NRXN1: variants seen among roughly 807,000 people sequenced by gnomAD.
NRXN1 encodes the protein neurexin 1, also known as neurexin-1.
In NRXN1, 39 loss-of-function variants were observed where a neutral mutation model predicts 150.9. The ratio of observed to expected loss-of-function variants is 0.26; its 90% CI spans 0.20 to 0.34. The LOEUF (loss-of-function observed/expected upper bound fraction) is 0.34. Ranked by LOEUF, NRXN1 falls within the 10% of genes least tolerant of loss-of-function variation. The probability of loss-of-function intolerance (pLI) is 1.00; values close to 1 mark genes in which losing one functional copy is unlikely to be tolerated. For missense variants in NRXN1, 1,815 were observed against 1,949.9 expected, an observed-to-expected ratio of 0.93 and a Z score of 1.30; for synonymous variants, 924 against 757.0, an observed-to-expected ratio of 1.22 and a Z score of -3.62.
chr2:50,132,539 T>G (rs865927345), intron 18 of NRXN1, among the ~76,000 whole-genome samples: 9 of 152,058 alleles, frequency 5.9e-5, no homozygotes, highest in Admixed American at 3.3e-4. Context: ...TCTCTTGACT[T>G]TGTGATCTTC....
chr2:50,536,675 A>G (rs1226531710), intron 10 of NRXN1, among the ~76,000 whole-genome samples: 1 of 152,160 alleles, frequency 6.6e-6, no homozygotes, highest in Non-Finnish European at 1.5e-5. Context: ...AAAACCTTAA[A>G]TCGTGCAAGT....
intron 17 of NRXN1, among the ~76,000 whole-genome samples, chr2:50,448,157 G>A (rs1372537722): frequency 1.3e-5 from 2 of 152,018 alleles, no homozygotes; most frequent in African/African-American, 4.8e-5. Context: ...TTATAGATTA[G>A]CAAAGCAGGG....
In NRXN1 at chr2:50,346,921, G is replaced by T; in HGVS notation, c.3365-109951C>A. On this transcript the variant is annotated intron_variant, in intron 17 of 22. Transcript: ENST00000401669. This position sits in a 1 kb window ranked among gnomAD's most constrained non-coding sequence, Gnocchi z 5.0. ...GCCGCCCCCGGGCGAGCCCAGCTCG[G>T]CGCCGCACCGGAGCATCCTCTGGTA... is the stretch of plus-strand genomic sequence containing the variant. 1 of 1,310,594 alleles carries T rather than the reference G, an allele frequency of 7.6e-7. No individual in the cohort carries two copies. The allele number at this position is 1,310,594 out of a possible 1,614,324, so 81.2% of individuals were successfully genotyped here.
intron 5 of NRXN1, among the ~76,000 whole-genome samples, chr2:50,857,522 A>G (rs1675449156): frequency 6.6e-6 from 1 of 152,128 alleles, no homozygotes; most frequent in African/African-American, 2.4e-5. Flanking sequence ...GAGAGCTTAA[A>G]CAGAAAAATG....
intron 9 of NRXN1, among the ~76,000 whole-genome samples, chr2:50,540,015 C>G (rs1366204594): frequency 6.6e-6 from 1 of 152,162 alleles, no homozygotes; most frequent in Non-Finnish European, 1.5e-5. Context: ...CAAATCCCAG[C>G]AGAAGGGCCC....
chr2:50,993,887 C>A (rs1402194044), intron 2 of NRXN1, among the ~76,000 whole-genome samples: 1 of 151,958 alleles, frequency 6.6e-6, no homozygotes, highest in Non-Finnish European at 1.5e-5. Context: ...GAGCACTTTG[C>A]AAATTTATGT....
In NRXN1 at chr2:50,875,079, T is replaced by C. The variant is rs113600552; in HGVS notation, c.832+46790A>G. The stretch of plus-strand genomic sequence containing the variant: ...AGGAGTTGTTTTTGTTGTGTTCTAC[T>C]TTGTTTTAAAGAGAAAATTCTCTAG... On this transcript the variant is annotated intron_variant, in intron 5 of 22. Coordinates refer to ENST00000401669, the MANE Select transcript of NRXN1 (RefSeq NM_001330078.2). Among the ~76,000 whole-genome samples the C allele has an allele frequency of 1.6e-3, 243 of 151,906 alleles. 4 individuals carry two copies. The highest frequency in any genetic ancestry group is 5.7e-3 in the African/African-American group (236 of 41,522).
intron 17 of NRXN1, among the ~76,000 whole-genome samples, chr2:50,272,665 A>G (rs1247073256): frequency 4.6e-5 from 7 of 152,154 alleles, no homozygotes; most frequent in Non-Finnish European, 2.9e-5. Context: ...ATCCACTCCA[A>G]CAGTTAATTC....
At chr2:50,806,768 A>G (rs1667569199) in intron 5 of NRXN1, among the ~76,000 whole-genome samples, 1 of 152,086 alleles carries the variant, frequency 6.6e-6, no homozygotes, top group Non-Finnish European at 1.5e-5. Context: ...ACCTCGTACT[A>G]GTCCTGCCTA....
chr2:50,592,589 T>A (rs11901703), intron 8 of NRXN1, among the ~76,000 whole-genome samples: 2,421 of 152,116 alleles, frequency 0.016, 78 homozygotes, highest in African/African-American at 0.055. Context: ...GCTTAGGGAG[T>A]AAAAAGTGAA....
chr2:50,261,702 G>C (rs1221583437), intron 17 of NRXN1, among the ~76,000 whole-genome samples: 1 of 151,878 alleles, frequency 6.6e-6, no homozygotes, highest in Non-Finnish European at 1.5e-5. Flanking sequence ...ATAGAAATAT[G>C]TAAAAATACT....
chr2:50,216,624 T>G (rs1397084328), intron 18 of NRXN1, among the ~76,000 whole-genome samples: 1 of 152,020 alleles, frequency 6.6e-6, no homozygotes, highest in African/African-American at 2.4e-5. Context: ...CTTATTTTTC[T>G]GTTTTCAAGC....
chr2:50,411,805 C>T (rs1199968171), intron 17 of NRXN1, among the ~76,000 whole-genome samples: 1 of 152,216 alleles, frequency 6.6e-6, no homozygotes, highest in Non-Finnish European at 1.5e-5. Flanking sequence ...GCCACCCCGT[C>T]CCGGAGGTGT....
intron 10 of NRXN1, among the ~76,000 whole-genome samples, chr2:50,537,319 T>C (rs928650193): frequency 2.0e-5 from 3 of 152,176 alleles, no homozygotes; most frequent in Non-Finnish European, 4.4e-5. Flanking sequence ...TCAATATTTT[T>C]TCATATTGAT....
intron 12 of NRXN1, among the ~76,000 whole-genome samples, chr2:50,524,904 G>C (rs1382046397): frequency 6.6e-6 from 1 of 152,094 alleles, no homozygotes; most frequent in Non-Finnish European, 1.5e-5. Flanking sequence ...AGCCTAATGA[G>C]TTTGGATGTA....
intron 5 of NRXN1, among the ~76,000 whole-genome samples, chr2:50,798,647 A>G (rs973144857): frequency 2.0e-5 from 3 of 152,188 alleles, no homozygotes; most frequent in African/African-American, 4.8e-5. Flanking sequence ...ACGCTGATTG[A>G]TATTTCTGTA....
At chr2:50,408,651 G>GTGTA (rs550211277) in intron 17 of NRXN1, among the ~76,000 whole-genome samples, 191 of 152,266 alleles carry the variant, frequency 1.3e-3, no homozygotes, top group African/African-American at 4.3e-3. Context: ...CATTGATTGT[G>GTGTA]TGTATGTGTG....
At chr2:50,536,369 T>C (rs1360589916) in intron 10 of NRXN1, among the ~76,000 whole-genome samples, 1 of 152,230 alleles carries the variant, frequency 6.6e-6, no homozygotes, top group Non-Finnish European at 1.5e-5. Context: ...ATCCCAATGA[T>C]GAAGTTTGCT....
In NRXN1 at chr2:50,264,432, C is replaced by G. The variant is rs1474028008; in HGVS notation, c.3365-27462G>C. Among the ~76,000 whole-genome samples, 4 of 151,906 alleles carry G rather than the reference C, an allele frequency of 2.6e-5. No homozygotes were observed. In the East Asian group the frequency reaches 7.7e-4, roughly 29 times the overall value. On this transcript the variant is annotated intron_variant, in intron 17 of 22. Coordinates refer to ENST00000401669, the MANE Select transcript of NRXN1 (RefSeq NM_001330078.2). ...GCAATATCCATGTACAGGTAAACGACAAAGCAATCATTTTGAAAGAAGGTA... is the reference window on the plus strand; with the variant it reads ...GCAATATCCATGTACAGGTAAACGAGAAAGCAATCATTTTGAAAGAAGGTA...
Sources: allele counts gnomAD v4.1 joint callset (sites outside exome capture counted in the v4.1 genomes callset), GRCh38; gene constraint gnomAD v4.1.1; non-coding constraint Gnocchi (gnomAD v3.1); transcripts MANE v1.5; gene names NCBI Gene and HGNC (gene_info 2026-07-23, HGNC 2026-07-21).